Variants in TENM2 observed in about 807,000 individuals in gnomAD.
The protein encoded by TENM2 is teneurin transmembrane protein 2, also known as teneurin-2.
A neutral mutation model predicts 245.2 loss-of-function variants in TENM2; 52 were observed. That is an observed-to-expected ratio of 0.21 (90% confidence interval 0.17 to 0.27). The LOEUF (loss-of-function observed/expected upper bound fraction) is 0.27, where lower values mean the gene tolerates loss of function less well. TENM2 is among the 10% of genes least tolerant of loss of function. TENM2 has a pLI of 1.00. For synonymous variants in TENM2, 1,363 were observed against 1,438.9 expected (o/e 0.95, Z 1.19); for missense variants, 3,046 against 3,666.8 (o/e 0.83, Z 4.37).
the TENM2 span, among the ~76,000 whole-genome samples, chr5:167,127,199 T>C: frequency 1.3e-5 from 2 of 152,132 alleles, no homozygotes; most frequent in Non-Finnish European, 2.9e-5. Flanking sequence ...ATTTGTAACT[T>C]CTATAAAAAC....
chr5:167,996,808 G>A (rs561233300), intron 5 of TENM2, among the ~76,000 whole-genome samples: 10 of 151,978 alleles, frequency 6.6e-5, no homozygotes, highest in Admixed American at 1.3e-4. Context: ...GCATGATCTC[G>A]GCTCACTGCA....
intron 5 of TENM2, among the ~76,000 whole-genome samples, chr5:168,008,197 A>G (rs1042878461): frequency 6.6e-6 from 1 of 152,198 alleles, no homozygotes; most frequent in African/African-American, 2.4e-5. Context: ...TAGAAACTGA[A>G]CTAGGAATGG....
the TENM2 span, among the ~76,000 whole-genome samples, chr5:167,274,589 T>C: frequency 1.3e-5 from 2 of 151,910 alleles, no homozygotes; most frequent in Non-Finnish European, 2.9e-5. Context: ...TTCTTTCTTT[T>C]TTTTTTTAAG....
At chr5:167,020,545 C>T in the TENM2 span, among the ~76,000 whole-genome samples, 1 of 152,164 alleles carries the variant, frequency 6.6e-6, no homozygotes, top group Non-Finnish European at 1.5e-5. Flanking sequence ...TAAGCCCATT[C>T]CATCTGACCT....
intron 1 of TENM2, among the ~76,000 whole-genome samples, chr5:167,298,532 G>GA (rs1231537438): frequency 2.6e-5 from 4 of 152,126 alleles, no homozygotes; most frequent in Non-Finnish European, 4.4e-5. Flanking sequence ...AAACCCCAGG[G>GA]GGCGGAGCCT....
At chr5:167,044,370 A>C in the TENM2 span, among the ~76,000 whole-genome samples, 21 of 152,310 alleles carry the variant, frequency 1.4e-4, no homozygotes, top group Admixed American at 2.6e-4. Context: ...GAGGAAAAAA[A>C]TGTTAAGAAC....
chr5:168,027,275 G>T (rs1426527380), intron 5 of TENM2, among the ~76,000 whole-genome samples: 3 of 152,132 alleles, frequency 2.0e-5, no homozygotes, highest in Non-Finnish European at 4.4e-5. Flanking sequence ...CTTCATTAAG[G>T]AGTCTGTTCT....
At chr5:167,723,695 C>T (rs1582843580) in intron 2 of TENM2, among the ~76,000 whole-genome samples, 1 of 152,162 alleles carries the variant, frequency 6.6e-6, no homozygotes, top group Admixed American at 6.5e-5. Flanking sequence ...TGTTCCCTGT[C>T]CTAATAGTCT....
chr5:167,594,750 G>T (rs951421820), intron 2 of TENM2, among the ~76,000 whole-genome samples: 1 of 152,150 alleles, frequency 6.6e-6, no homozygotes, highest in African/African-American at 2.4e-5. Flanking sequence ...CAAATAGAAA[G>T]AACTAACCTC....
At chr5:167,027,955 C>T in the TENM2 span, among the ~76,000 whole-genome samples, 6 of 151,136 alleles carry the variant, frequency 4.0e-5, no homozygotes, top group Non-Finnish European at 7.4e-5. Context: ...CCTGTAATCC[C>T]GGCTACTCTG....
the TENM2 span, among the ~76,000 whole-genome samples, chr5:167,112,007 A>T: frequency 2.0e-5 from 3 of 152,054 alleles, no homozygotes; most frequent in African/African-American, 7.2e-5. Context: ...TTTTTTCTTT[A>T]TTCTGCCATA....
intron 12 of TENM2, among the ~76,000 whole-genome samples, chr5:168,134,684 T>C (rs1324865485): frequency 1.3e-5 from 2 of 152,154 alleles, no homozygotes; most frequent in African/African-American, 2.4e-5. Context: ...TGAAACTCTG[T>C]CTCAAAAGAA....
chr5:167,417,278 C>A (rs1229175334), intron 2 of TENM2, among the ~76,000 whole-genome samples: 1 of 152,170 alleles, frequency 6.6e-6, no homozygotes, highest in African/African-American at 2.4e-5. Context: ...AACACCAACA[C>A]TTGCTGATTC....
At chr5:167,798,996 T>G (rs1345028381) in intron 2 of TENM2, among the ~76,000 whole-genome samples, 1 of 152,276 alleles carries the variant, frequency 6.6e-6, no homozygotes, top group East Asian at 1.9e-4. Flanking sequence ...GAGGCTTTGA[T>G]GGGGTTAGGA....
rs192903982 is a variant in TENM2 at position 167,863,952 on chromosome 5, A to G, written c.503-12034A>G. Among the ~76,000 whole-genome samples the G allele has an allele frequency of 2.8e-3, 430 of 152,226 alleles. 10 individuals carry two copies. The highest frequency in any genetic ancestry group is 0.023 in the Admixed American group (351 of 15,290). On this transcript the variant is annotated intron_variant, in intron 2 of 28. Transcript: ENST00000518659. The stretch of plus-strand genomic sequence containing the variant: ...TTCCTAACAACCTAGACCTAGTCCT[A>G]CTCTCATTTACATTTTCAATTCTAA...
intron 1 of TENM2, among the ~76,000 whole-genome samples, chr5:167,316,344 C>T (rs1039098151): frequency 1.3e-5 from 2 of 152,234 alleles, no homozygotes; most frequent in African/African-American, 4.8e-5. Context: ...GTTGATATAG[C>T]CAACCTACTA....
the TENM2 span, among the ~76,000 whole-genome samples, chr5:167,150,002 G>C: frequency 6.6e-6 from 1 of 152,048 alleles, no homozygotes; most frequent in Non-Finnish European, 1.5e-5. Context: ...AGGAAGGAAG[G>C]ACAGGACAAG....
intron 2 of TENM2, among the ~76,000 whole-genome samples, chr5:167,727,334 G>A (rs951250230): frequency 1.3e-5 from 2 of 151,902 alleles, no homozygotes; most frequent in African/African-American, 2.4e-5. Context: ...GGATGGTCTC[G>A]ATCCCCTGAC....
At chr5:167,482,934 G>A (rs10041801) in intron 2 of TENM2, among the ~76,000 whole-genome samples, 2,038 of 152,286 alleles carry the variant, frequency 0.013, 56 homozygotes, top group African/African-American at 0.046. Flanking sequence ...CATTTCTTCA[G>A]AAAAACCTGT....
Sources: gnomAD v4.1 joint callset for allele counts (sites outside exome capture counted in the v4.1 genomes callset) on GRCh38, gnomAD v4.1.1 for gene constraint, MANE v1.5 for transcripts, NCBI Gene and HGNC (gene_info 2026-07-23, HGNC 2026-07-21) for gene names.